Variants in FER1L6 observed in about 807,000 individuals in gnomAD.
FER1L6 encodes the protein fer-1-like protein 6.
Under a neutral mutation model 219.2 loss-of-function variants are expected in FER1L6, and 177 were observed. The observed-to-expected ratio is 0.81, with a 90% confidence interval of 0.71 to 0.91. FER1L6 has a LOEUF of 0.91. Ranked by LOEUF, FER1L6 falls within the 40% of genes least tolerant of loss-of-function variation. FER1L6 has a pLI of 0.00. For synonymous variants in FER1L6, 768 were observed against 824.3 expected (o/e 0.93, Z 1.17); for missense variants, 2,153 against 2,259.9 (o/e 0.95, Z 0.96).
At position 124,039,900 on chromosome 8, in the gene FER1L6, T is replaced by C. The variant is rs773773269; in HGVS notation, c.2483T>C (p.Leu828Pro). The C allele has an allele frequency of 6.2e-7, 1 of 1,614,148 alleles. No individual in the cohort carries two copies. Among genetic ancestry groups the C allele is most frequent in the East Asian group, 2.2e-5 (1 of 44,882 alleles). Residue 828 changes from leucine (L) to proline (P), a missense_variant, in exon 20 of 41, where the codon CTG becomes CCG. Coordinates refer to ENST00000522917, the MANE Select transcript of FER1L6 (RefSeq NM_001039112.2). ...LLYQEQHVFQLRAHMYQARGL... is the reference protein window; with the variant it reads ...LLYQEQHVFQPRAHMYQARGL... ...TCCACAGAACAGCATGTTTTTCAGCTGAGGGCTCACATGTACCAAGCCCGG... is the reference window on the plus strand; with the variant it reads ...TCCACAGAACAGCATGTTTTTCAGCCGAGGGCTCACATGTACCAAGCCCGG...
chr8:124,071,395 A>G, intron 30 of FER1L6, 111 bp from the exon 31 acceptor site: 1 of 1,416,116 alleles, frequency 7.1e-7, no homozygotes, highest in South Asian at 1.3e-5. Context: ...GCACCAAACC[A>G]GGTCCTGCAA....
chr8:124,040,155 C>T, intron 20 of FER1L6, 149 bp downstream of exon 20: 4 of 1,033,620 alleles, frequency 3.9e-6, no homozygotes, highest in Non-Finnish European at 5.7e-6. Flanking sequence ...GAATATGTGC[C>T]CAGAAGGACT....
At position 124,039,991 on chromosome 8, in the gene FER1L6, C is replaced by T; in HGVS notation, c.2574C>T (p.His858=). The change falls in exon 20 of 41, where the codon CAC becomes CAT. Residue 858 remains histidine (H), a synonymous_variant. Coordinates refer to ENST00000522917, the MANE Select transcript of FER1L6 (RefSeq NM_001039112.2). ...DPFAKVTFLS[H]CQTTKIISQT... is the part of the protein sequence containing the mutation. ...TTGCCAAAGTCACGTTCCTTTCTCA[C>T]TGCCAGACAACAAAGGTAACCAGGG... 6.2e-7 allele frequency: 1 copy of T among 1,614,128 alleles called. No homozygotes were observed.
At chr8:124,065,943 G>A (rs1011703128) in intron 26 of FER1L6, among the ~76,000 whole-genome samples, 3 of 152,324 alleles carry the variant, frequency 2.0e-5, no homozygotes, top group African/African-American at 7.2e-5. Context: ...TGACACCAAA[G>A]AATTGCCTAA....
chr8:124,064,244 G>A, intron 25 of FER1L6, 103 bp from the exon 26 acceptor site: 2 of 885,212 alleles, frequency 2.3e-6, no homozygotes. Flanking sequence ...TTAGCAACCT[G>A]ACGTATTTGA....
intron 1 of FER1L6, among the ~76,000 whole-genome samples, chr8:123,943,981 G>T (rs1814369411): frequency 6.6e-6 from 1 of 152,112 alleles, no homozygotes; most frequent in South Asian, 2.1e-4. Context: ...TGATATCTAG[G>T]AGGTAACATA....
intron 16 of FER1L6, among the ~76,000 whole-genome samples, chr8:124,020,492 T>C (rs7003861): frequency 0.53 from 80,722 of 151,850 alleles, 21,969 homozygotes; most frequent in African/African-American, 0.63. Flanking sequence ...TATTTTTTTT[T>C]CCTAAGCACA....
intron 32 of FER1L6, among the ~76,000 whole-genome samples, chr8:124,081,340 G>A (rs1349489226): frequency 6.6e-6 from 1 of 152,116 alleles, no homozygotes; most frequent in Admixed American, 6.5e-5. Flanking sequence ...CAGAAAATCA[G>A]ACAGCATTAA....
rs555608027 is a variant in FER1L6 at position 123,980,482 on chromosome 8, G to C, written c.1081G>C (p.Gly361Arg). Reference sequence around the variant, plus strand: ...CTCTCTAGGCTTTCTGCCCACCTTTGGGCCTGCCTGGATTAACCTGTATGG... The same window carrying C: ...CTCTCTAGGCTTTCTGCCCACCTTTCGGCCTGCCTGGATTAACCTGTATGG... ...DGDKGFLPTFGPAWINLYGSP... is the reference protein window; with the variant it reads ...DGDKGFLPTFRPAWINLYGSP... The change falls in exon 11 of 41, where the codon GGG becomes CGG. Residue 361 changes from glycine to arginine, a missense_variant. Transcript: ENST00000522917. The C allele has an allele frequency of 7.4e-6, 12 of 1,612,584 alleles. No individual in the cohort carries two copies. The highest frequency in any genetic ancestry group is 9.3e-6 in the Non-Finnish European group (11 of 1,179,262).
At chr8:123,944,747 T>C (rs1250151425) in intron 1 of FER1L6, among the ~76,000 whole-genome samples, 2 of 152,158 alleles carry the variant, frequency 1.3e-5, no homozygotes, top group African/African-American at 4.8e-5. Context: ...TCACCCAGTA[T>C]GCTGTGAAAA....
intron 1 of FER1L6, among the ~76,000 whole-genome samples, chr8:123,908,564 A>G (rs1363946073): frequency 6.6e-6 from 1 of 152,248 alleles, no homozygotes; most frequent in African/African-American, 2.4e-5. Context: ...TCTACTGGAA[A>G]GTTTAACTGT....
chr8:124,075,600 TTTA>T (rs1821251097), intron 31 of FER1L6, among the ~76,000 whole-genome samples: 1 of 152,228 alleles, frequency 6.6e-6, no homozygotes, highest in Non-Finnish European at 1.5e-5. Flanking sequence ...AACATCATTA[TTTA>T]TTGTCATTGT....
chr8:123,932,746 G>A (rs959963583), intron 1 of FER1L6, among the ~76,000 whole-genome samples: 20 of 152,196 alleles, frequency 1.3e-4, no homozygotes, highest in South Asian at 4.1e-4. Context: ...TAATTAGGGC[G>A]TTGGAGTATT....
intron 18 of FER1L6, among the ~76,000 whole-genome samples, chr8:124,032,724 G>C (rs998672490): frequency 6.7e-6 from 1 of 149,782 alleles, no homozygotes; most frequent in Non-Finnish European, 1.5e-5. Flanking sequence ...TTGGGTGACA[G>C]AGCGTGATTC....
intron 1 of FER1L6, among the ~76,000 whole-genome samples, chr8:123,874,228 T>C (rs773742903): frequency 3.3e-5 from 5 of 152,182 alleles, no homozygotes; most frequent in East Asian, 3.8e-4. Flanking sequence ...ATCCATTATC[T>C]CTTCTACTTT....
Position 123,862,978 on chromosome 8 carries a change from C to T in FER1L6, c.-8+10793C>T, listed in dbSNP as rs1586426323. 8.4e-5 allele frequency among the ~76,000 whole-genome samples: 12 copies of T among 143,636 alleles called. No individual in the cohort carries two copies. In the South Asian group the frequency reaches 2.5e-3, roughly 30 times the overall value. The allele number at this position is 143,636 out of a possible 152,430, so 94.2% of individuals were successfully genotyped here. A position where few individuals can be genotyped will look rare whatever the true frequency, so the allele number is the denominator to read the frequency against. ...GAAGGGTTTTTTGTGCCTCTATTTCCTTCAGTTCTGCTCAGATTTTAGTTA... is the reference window on the plus strand; with the variant it reads ...GAAGGGTTTTTTGTGCCTCTATTTCTTTCAGTTCTGCTCAGATTTTAGTTA... On this transcript the variant is annotated intron_variant, in intron 1 of 40. Coordinates refer to ENST00000522917, the MANE Select transcript of FER1L6 (RefSeq NM_001039112.2).
chr8:123,887,117 G>T (rs529437214), intron 1 of FER1L6, among the ~76,000 whole-genome samples: 34 of 152,208 alleles, frequency 2.2e-4, no homozygotes, highest in African/African-American at 7.2e-4. Context: ...CTGAGTTCCT[G>T]TTTTCCTGTA....
At chr8:124,073,653 A>T (rs1319573944) in intron 31 of FER1L6, among the ~76,000 whole-genome samples, 1 of 152,150 alleles carries the variant, frequency 6.6e-6, no homozygotes, top group Non-Finnish European at 1.5e-5. Flanking sequence ...TAGTAGCTGT[A>T]TAGCATTTTC....
intron 1 of FER1L6, among the ~76,000 whole-genome samples, chr8:123,886,585 C>T (rs962487592): frequency 2.0e-5 from 3 of 152,288 alleles, no homozygotes; most frequent in Middle Eastern, 3.4e-3. Flanking sequence ...TCTTAAATTA[C>T]CTAGTCTCAG....
Sources: allele counts gnomAD v4.1 joint callset (sites outside exome capture counted in the v4.1 genomes callset), GRCh38; gene constraint gnomAD v4.1.1; transcripts MANE v1.5; gene names NCBI Gene and HGNC (gene_info 2026-07-23, HGNC 2026-07-21).